CCDC171: variants seen among roughly 807,000 people sequenced by gnomAD.
CCDC171 encodes coiled-coil domain-containing protein 171.
CCDC171 carries 177 observed loss-of-function variants against 168.2 expected under a neutral mutation model. The observed-to-expected ratio is 1.05, with a 90% CI of 0.93 to 1.19. The LOEUF (loss-of-function observed/expected upper bound fraction) is 1.19. Ranked by LOEUF, CCDC171 falls within the 50% of genes most tolerant of loss-of-function variation. The pLI is 0.00. For synonymous variants in CCDC171, 687 were observed against 540.8 expected, an observed-to-expected ratio of 1.27 and a Z score of -3.75; for missense variants, 1,991 against 1,539.0, an observed-to-expected ratio of 1.29 and a Z score of -4.91.
intron 3 of CCDC171, among the ~76,000 whole-genome samples, chr9:15,998,690 T>C (rs1832442972): frequency 1.3e-5 from 2 of 152,210 alleles, no homozygotes; most frequent in African/African-American, 4.8e-5. Context: ...TTCACCCTGC[T>C]ACCCAGGATT....
chr9:16,012,100 C>A (rs1832884341), intron 3 of CCDC171, among the ~76,000 whole-genome samples: 1 of 152,182 alleles, frequency 6.6e-6, no homozygotes, highest in Non-Finnish European at 1.5e-5. Flanking sequence ...TTAGGGTGAA[C>A]ATAGGAGATA....
At chr9:15,769,553 C>T (rs7019851) in intron 18 of CCDC171, among the ~76,000 whole-genome samples, 72,055 of 152,022 alleles carry the variant, frequency 0.47, 17,459 homozygotes, top group African/African-American at 0.54. Context: ...GTGACTTTGG[C>T]GCTAATAGAA....
At position 15,784,592 on chromosome 9, in the gene CCDC171, A is replaced by G. The variant is rs148744457; in HGVS notation, c.3165A>G (p.Leu1055=). The G allele has an allele frequency of 4.6e-5, 75 of 1,613,240 alleles. 1 individual carries two copies. Among genetic ancestry groups the G allele is most frequent in the African/African-American group, 3.2e-4 (24 of 75,036 alleles). ...TTCGGGAAGAGCAGGCACAAATGCT[A>G]TTGAATGAACAGGCACAACAACTAC... The part of the protein sequence containing the change: ...ALLREEQAQM[L]LNEQAQQLQE... The change falls in exon 21 of 26, where the codon CTA becomes CTG. Residue 1055 remains leucine (L), a synonymous_variant. Transcript: ENST00000380701.
At chr9:15,702,721 C>T (rs1218106021) in intron 11 of CCDC171, among the ~76,000 whole-genome samples, 3 of 152,198 alleles carry the variant, frequency 2.0e-5, no homozygotes, top group African/African-American at 7.2e-5. Flanking sequence ...TTAGCTAGAT[C>T]TGCGGATAAC....
intron 23 of CCDC171, among the ~76,000 whole-genome samples, chr9:15,856,572 T>A (rs1027219013): frequency 9.9e-5 from 15 of 152,066 alleles, no homozygotes; most frequent in Admixed American, 2.6e-4. Flanking sequence ...TTTTATTGTA[T>A]GTTTATACCA....
chr9:15,949,254 C>T (rs1026150567), intron 25 of CCDC171, among the ~76,000 whole-genome samples: 1 of 152,034 alleles, frequency 6.6e-6, no homozygotes, highest in Non-Finnish European at 1.5e-5. Context: ...AGTCAGGTAG[C>T]ATGATGCCTC....
At chr9:15,708,793 G>T (rs889163197) in intron 11 of CCDC171, among the ~76,000 whole-genome samples, 2 of 152,128 alleles carry the variant, frequency 1.3e-5, no homozygotes, top group Admixed American at 1.3e-4. Flanking sequence ...TAAGTTCAGG[G>T]ATTGCTGCTT....
intron 24 of CCDC171, among the ~76,000 whole-genome samples, chr9:15,902,919 G>A (rs1204787543): frequency 2.0e-5 from 3 of 152,128 alleles, no homozygotes; most frequent in Non-Finnish European, 2.9e-5. Flanking sequence ...CTACACCCAC[G>A]GAGCCTCACT....
intron 7 of CCDC171, among the ~76,000 whole-genome samples, chr9:15,630,852 T>C (rs2045620110): frequency 6.6e-6 from 1 of 152,054 alleles, no homozygotes; most frequent in Non-Finnish European, 1.5e-5. Context: ...AAACTAGAAC[T>C]CAGGATTAAG....
the CCDC171 span, among the ~76,000 whole-genome samples, chr9:16,095,899 T>TATATACAC: frequency 7.1e-5 from 10 of 140,222 alleles, no homozygotes; most frequent in African/African-American, 2.7e-4. Flanking sequence ...TATATATATA[T>TATATACAC]ACTGCCTCCA....
At chr9:15,687,384 G>C (rs1178426238) in intron 10 of CCDC171, among the ~76,000 whole-genome samples, 1 of 151,356 alleles carries the variant, frequency 6.6e-6, no homozygotes, top group Non-Finnish European at 1.5e-5. Context: ...TTGAGTCCAA[G>C]AGTTTGAGGT....
intron 25 of CCDC171, among the ~76,000 whole-genome samples, chr9:15,964,238 A>T (rs1376092406): frequency 1.3e-5 from 2 of 152,150 alleles, no homozygotes; most frequent in Non-Finnish European, 2.9e-5. Flanking sequence ...TAATTACATT[A>T]TTTTAATTGA....
Position 15,920,343 on chromosome 9 carries a change from C to G in CCDC171, c.3674C>G (p.Thr1225Arg). The G allele has an allele frequency of 6.2e-7, 1 of 1,609,614 alleles. No individual in the cohort carries two copies. Among genetic ancestry groups the G allele is most frequent in the Non-Finnish European group, 8.5e-7 (1 of 1,176,974 alleles). The change falls in exon 25 of 26, where the codon ACA becomes AGA. Residue 1225 changes from threonine (T) to arginine (R), a missense_variant. Thr to Arg is a moderately conservative substitution (Grantham distance 71). Coordinates refer to ENST00000380701, the MANE Select transcript of CCDC171 (RefSeq NM_173550.4). ...ATCATGACATTAGAGAAGGAAATGA[C>G]ATCTCATCGAAGTCACATTGCAGCC... ...TRIMTLEKEMTSHRSHIAALK... is the reference protein window; with the variant it reads ...TRIMTLEKEMRSHRSHIAALK...
At chr9:15,955,612 G>A (rs535867651) in intron 25 of CCDC171, among the ~76,000 whole-genome samples, 5 of 152,242 alleles carry the variant, frequency 3.3e-5, no homozygotes, top group African/African-American at 1.2e-4. Context: ...ATAATTTACT[G>A]TCCAAGCCTT....
At chr9:16,108,505 T>G in the CCDC171 span, among the ~76,000 whole-genome samples, 1 of 152,236 alleles carries the variant, frequency 6.6e-6, no homozygotes, top group Non-Finnish European at 1.5e-5. Flanking sequence ...CCATAGGCAC[T>G]AGTTAATGTG....
intron 25 of CCDC171, among the ~76,000 whole-genome samples, chr9:15,962,565 C>G (rs935155815): frequency 3.9e-5 from 6 of 152,220 alleles, no homozygotes; most frequent in African/African-American, 7.2e-5. Flanking sequence ...TTAATTTTTA[C>G]TGGCAATCAA....
intron 21 of CCDC171, among the ~76,000 whole-genome samples, chr9:15,825,153 A>T (rs958752233): frequency 6.6e-6 from 1 of 152,146 alleles, no homozygotes; most frequent in Non-Finnish European, 1.5e-5. Context: ...TCTAGTTTAC[A>T]CTATTAGAAA....
chr9:15,831,086 C>T (rs2060211637), intron 21 of CCDC171, among the ~76,000 whole-genome samples: 1 of 151,166 alleles, frequency 6.6e-6, no homozygotes, highest in South Asian at 2.1e-4. Context: ...TCTCCTGCCT[C>T]AGCCTCCTGA....
intron 20 of CCDC171, 52 bp downstream of exon 20, chr9:15,779,202 A>T: frequency 9.4e-7 from 1 of 1,059,138 alleles, no homozygotes; most frequent in Non-Finnish European, 1.3e-6. Context: ...ATATTTCTTT[A>T]TCTCTATATC....
Sources: gnomAD v4.1 joint callset for allele counts (sites outside exome capture counted in the v4.1 genomes callset) on GRCh38, gnomAD v4.1.1 for gene constraint, MANE v1.5 for transcripts, NCBI Gene and HGNC (gene_info 2026-07-23, HGNC 2026-07-21) for gene names.